The following RBFOX1 variants were observed in gnomAD, a reference collection of about 807,000 sequenced individuals.
RBFOX1 encodes RNA binding protein fox-1 homolog 1.
In RBFOX1, 8 loss-of-function variants were observed where a neutral mutation model predicts 57.7. The ratio of observed to expected loss-of-function variants is 0.14; its 90% confidence interval spans 0.08 to 0.25. The LOEUF (loss-of-function observed/expected upper bound fraction) is 0.25. Ranked by LOEUF, RBFOX1 falls within the 10% of genes least tolerant of loss-of-function variation. RBFOX1 has a pLI of 1.00. For synonymous variants in RBFOX1, 326 were observed against 222.4 expected (o/e 1.47, Z -4.15); for missense variants, 611 against 548.5 (o/e 1.11, Z -1.14).
At chr16:7,438,324 G>C (rs1269817302) in intron 4 of RBFOX1, among the ~76,000 whole-genome samples, 2 of 152,108 alleles carry the variant, frequency 1.3e-5, no homozygotes, top group Non-Finnish European at 2.9e-5. Flanking sequence ...GGGGTAAAGA[G>C]TGCTACTTTG....
intron 3 of RBFOX1, among the ~76,000 whole-genome samples, chr16:6,837,731 A>G (rs1054636620): frequency 6.6e-6 from 1 of 152,226 alleles, no homozygotes; most frequent in African/African-American, 2.4e-5. Flanking sequence ...GATAAACATT[A>G]GTTATCTTTA....
intron 3 of RBFOX1, among the ~76,000 whole-genome samples, chr16:7,029,067 TATATATATATATATACACAC>T (rs1460273577): frequency 1.4e-4 from 5 of 34,696 alleles, no homozygotes; most frequent in African/African-American, 7.4e-4. Flanking sequence ...TATATATATA[TATATATATATATATACACAC>T]ACACACACAC....
chr16:6,397,356 C>T (rs1418517210), intron 2 of RBFOX1, among the ~76,000 whole-genome samples: 1 of 152,086 alleles, frequency 6.6e-6, no homozygotes, highest in Non-Finnish European at 1.5e-5. Context: ...AGCTTCTCAT[C>T]AGAAACAGTG....
intron 3 of RBFOX1, among the ~76,000 whole-genome samples, chr16:6,770,377 T>A (rs1171420192): frequency 1.3e-5 from 2 of 152,246 alleles, no homozygotes; most frequent in South Asian, 2.1e-4. Context: ...GTGGGCCACA[T>A]TTACTCCACT....
At chr16:5,616,475 T>G (rs1327214560) in intron 3 of RBFOX1, among the ~76,000 whole-genome samples, 1 of 152,114 alleles carries the variant, frequency 6.6e-6, no homozygotes, top group Admixed American at 6.5e-5. Flanking sequence ...GTGCCCTTGA[T>G]TTTCCCACTG....
At chr16:6,461,205 G>A (rs2429647) in intron 2 of RBFOX1, among the ~76,000 whole-genome samples, 73,881 of 151,834 alleles carry the variant, frequency 0.49, 18,496 homozygotes, top group East Asian at 0.8. Context: ...ATCATGGCAC[G>A]CATTTACCTA....
chr16:6,814,996 C>G (rs150806595), intron 3 of RBFOX1, among the ~76,000 whole-genome samples: 80 of 152,274 alleles, frequency 5.3e-4, no homozygotes, highest in African/African-American at 1.7e-3. Context: ...CGCCCAGCTG[C>G]TCATCCTTAT....
At chr16:6,941,300 C>CTCCTTCCTTCCTTCCT (rs57110590) in intron 3 of RBFOX1, among the ~76,000 whole-genome samples, 851 of 79,178 alleles carry the variant, frequency 0.011, 12 homozygotes, top group East Asian at 0.034. Context: ...CCCTCCCTCC[C>CTCCTTCCTTCCTTCCT]TCCTTCCTTC....
At chr16:7,301,855 C>T (rs1243012727) in intron 4 of RBFOX1, among the ~76,000 whole-genome samples, 1 of 151,926 alleles carries the variant, frequency 6.6e-6, no homozygotes, top group South Asian at 2.1e-4. Context: ...GAATGGTTGG[C>T]CTTTTATTCC....
At chr16:6,260,862 C>T (rs1490258478) in intron 1 of RBFOX1, among the ~76,000 whole-genome samples, 1 of 151,816 alleles carries the variant, frequency 6.6e-6, no homozygotes, top group Non-Finnish European at 1.5e-5. Context: ...GCCTGGGCAA[C>T]AGTGCAAGAC....
chr16:7,325,103 G>T lies in RBFOX1; in HGVS notation c.28-193044G>T, dbSNP rs551839700. Among the ~76,000 whole-genome samples, 3 of 152,238 alleles carry T rather than the reference G, an allele frequency of 2.0e-5. No individual in the cohort carries two copies. The East Asian group carries it at 5.8e-4, about 29-fold the overall frequency. ...AGCGGTTGAAGGGAGGAAGAGTTTT[G>T]ATATCCCTGGCTTGATCCTCCAACC... On this transcript the variant is annotated intron_variant, in intron 4 of 15. Coordinates refer to ENST00000550418, the MANE Select transcript of RBFOX1 (RefSeq NM_018723.4).
chr16:6,996,685 C>G (rs1490855517), intron 3 of RBFOX1, among the ~76,000 whole-genome samples: 3 of 152,138 alleles, frequency 2.0e-5, no homozygotes, highest in Non-Finnish European at 2.9e-5. Flanking sequence ...TAGTAAGTGG[C>G]AGGATTGGGA....
intron 4 of RBFOX1, among the ~76,000 whole-genome samples, chr16:7,237,259 C>A (rs2093815036): frequency 6.6e-6 from 1 of 152,190 alleles, no homozygotes; most frequent in Non-Finnish European, 1.5e-5. Context: ...CAGCTGGTCC[C>A]AGCGGGGACC....
chr16:7,045,652 CT>C lies in RBFOX1; in HGVS notation c.-15-6394del, dbSNP rs564963855. 8.8e-3 allele frequency among the ~76,000 whole-genome samples: 1,268 copies of C among 143,970 alleles called. 16 individuals are homozygous for C. Among genetic ancestry groups the C allele is most frequent in the African/African-American group, 0.028 (1,069 of 37,722 alleles). 94.4% of individuals were successfully genotyped at this position (143,970 alleles called of 152,430 possible). ...TTAAAAATATTAATCTTGTTATATACTTTTTTTTTTTCAATAGAGCGAGACA... is the reference window on the plus strand; with the variant it reads ...TTAAAAATATTAATCTTGTTATATACTTTTTTTTTTCAATAGAGCGAGACA... On this transcript the variant is annotated intron_variant, in intron 3 of 15. Transcript: ENST00000550418.
chr16:6,794,529 C>G (rs2083578235), intron 3 of RBFOX1, among the ~76,000 whole-genome samples: 1 of 151,902 alleles, frequency 6.6e-6, no homozygotes, highest in Admixed American at 6.6e-5. Flanking sequence ...TTATAAGTTC[C>G]TAATTATTTT....
chr16:7,486,878 A>C (rs986728811), intron 4 of RBFOX1, among the ~76,000 whole-genome samples: 1 of 152,184 alleles, frequency 6.6e-6, no homozygotes, highest in South Asian at 2.1e-4. Context: ...AGTTAGTTCA[A>C]ACACAATTCT....
At chr16:6,083,157 T>A (rs1353088155) in intron 1 of RBFOX1, among the ~76,000 whole-genome samples, 1 of 152,120 alleles carries the variant, frequency 6.6e-6, no homozygotes, top group Admixed American at 6.5e-5. Context: ...ATGCACTACC[T>A]TGCCCAGCTA....
At chr16:5,316,637 G>A (rs976324960) in intron 1 of RBFOX1, among the ~76,000 whole-genome samples, 1 of 152,208 alleles carries the variant, frequency 6.6e-6, no homozygotes, top group Admixed American at 6.5e-5. Context: ...TACTGTGATT[G>A]TTGATTTTGG....
intron 5 of RBFOX1, among the ~76,000 whole-genome samples, chr16:7,532,341 C>T (rs553801712): frequency 2.6e-5 from 4 of 152,132 alleles, no homozygotes; most frequent in East Asian, 1.9e-4. Flanking sequence ...GCGCCAGCTT[C>T]GGGGAGATGA....
Sources: gnomAD v4.1 joint callset for allele counts (sites outside exome capture counted in the v4.1 genomes callset) on GRCh38, gnomAD v4.1.1 for gene constraint, MANE v1.5 for transcripts, NCBI Gene and HGNC (gene_info 2026-07-23, HGNC 2026-07-21) for gene names.